PTPRN2: variants seen among roughly 807,000 people sequenced by gnomAD.
PTPRN2 encodes protein tyrosine phosphatase receptor type N2, also known as receptor-type tyrosine-protein phosphatase N2.
A neutral mutation model predicts 118.8 loss-of-function variants in PTPRN2; 74 were observed. The ratio of observed to expected loss-of-function variants is 0.62; its 90% confidence interval spans 0.52 to 0.76. The LOEUF (loss-of-function observed/expected upper bound fraction) is 0.76, where lower values mean the gene tolerates loss of function less well. Ranked by LOEUF, PTPRN2 falls within the 30% of genes least tolerant of loss-of-function variation. The probability of loss-of-function intolerance (pLI) is 0.00; values close to 1 mark genes in which losing one functional copy is unlikely to be tolerated. For missense variants in PTPRN2, 1,481 were observed against 1,394.4 expected, an observed-to-expected ratio of 1.06 and a Z score of -0.99; for synonymous variants, 641 against 608.0, an observed-to-expected ratio of 1.05 and a Z score of -0.80.
intron 14 of PTPRN2, among the ~76,000 whole-genome samples, chr7:157,625,723 G>GA (rs1016133513): frequency 2.6e-5 from 4 of 151,794 alleles, no homozygotes; most frequent in African/African-American, 7.3e-5. Flanking sequence ...CCAATAAATG[G>GA]AAAAAAATCA....
intron 12 of PTPRN2, among the ~76,000 whole-genome samples, chr7:157,742,301 G>A (rs1800680248): frequency 6.6e-6 from 1 of 152,184 alleles, no homozygotes; most frequent in African/African-American, 2.4e-5. Flanking sequence ...GGTGACTGGG[G>A]TAACCAGCTA....
intron 6 of PTPRN2, among the ~76,000 whole-genome samples, chr7:158,152,806 A>T (rs1821325694): frequency 6.6e-6 from 1 of 151,734 alleles, no homozygotes; most frequent in South Asian, 2.1e-4. Flanking sequence ...GCATGCCAGC[A>T]GGCCACCGAC....
intron 2 of PTPRN2, among the ~76,000 whole-genome samples, chr7:158,430,915 G>T (rs889212356): frequency 6.6e-6 from 1 of 152,206 alleles, no homozygotes; most frequent in African/African-American, 2.4e-5. Flanking sequence ...TCTGACCCTG[G>T]CTGTGTCTGA....
intron 10 of PTPRN2, among the ~76,000 whole-genome samples, chr7:158,110,207 C>A (rs1033172374): frequency 6.6e-6 from 1 of 152,236 alleles, no homozygotes; most frequent in Non-Finnish European, 1.5e-5. Flanking sequence ...GGAGCTCCTG[C>A]AGCTTCTGCA....
intron 2 of PTPRN2, among the ~76,000 whole-genome samples, chr7:158,382,654 G>T (rs914141384): frequency 6.6e-6 from 1 of 152,056 alleles, no homozygotes; most frequent in Non-Finnish European, 1.5e-5. Context: ...GATTTTACAG[G>T]AGTGCAAACC....
At chr7:157,658,851 C>T (rs1054437871) in intron 13 of PTPRN2, among the ~76,000 whole-genome samples, 10 of 152,166 alleles carry the variant, frequency 6.6e-5, no homozygotes, top group South Asian at 2.1e-4. Flanking sequence ...CGGGGAACCT[C>T]GTGGGCTGCT....
intron 4 of PTPRN2, 134 bp from the exon 5 acceptor site, chr7:158,192,629 C>G: frequency 9.8e-7 from 1 of 1,019,906 alleles, no homozygotes. Context: ...CCTTGCTGCT[C>G]CATGACCATG....
Position 157,618,410 on chromosome 7 carries a change from C to T in PTPRN2, c.2344+2952G>A, listed in dbSNP as rs900083926. On this transcript the variant is annotated intron_variant, in intron 15 of 22. Transcript: ENST00000389418. This position sits in a 1 kb window ranked among gnomAD's most constrained non-coding sequence, Gnocchi z 4.2. ...ATAGTGCATGCCCAGCATGCAGACT[C>T]GCTTCCATCGCGACACAGAGGACAG... 2 of 152,336 alleles carry T rather than the reference C, an allele frequency of 1.3e-5. No homozygotes were observed. The highest frequency in any genetic ancestry group is 2.9e-5 in the Non-Finnish European group (2 of 68,132). The allele number at this position is 152,336 out of a possible 1,614,324, so 9.4% of individuals were successfully genotyped here. A position where few individuals can be genotyped will look rare whatever the true frequency, so the allele number is the denominator to read the frequency against.
rs937091419 is a variant in PTPRN2 at position 157,787,584 on chromosome 7, G to C, written c.1789-104647C>G. ...TTCATGTCTTGTAGGCGACCCCACA[G>C]AGAGAGAGGCAGAGGAGAGTGGCCG... On this transcript the variant is annotated intron_variant, in intron 12 of 22. Coordinates refer to ENST00000389418, the MANE Select transcript of PTPRN2 (RefSeq NM_002847.5). The surrounding 1 kb of genome is among the most constrained non-coding windows in gnomAD (Gnocchi z 5.3). Among the ~76,000 whole-genome samples, 1 of 152,170 alleles carries C rather than the reference G, an allele frequency of 6.6e-6. No homozygotes were observed. The highest frequency in any genetic ancestry group is 1.5e-5 in the Non-Finnish European group (1 of 68,022).
At chr7:157,941,844 T>G (rs1256848536) in intron 11 of PTPRN2, among the ~76,000 whole-genome samples, 1 of 152,058 alleles carries the variant, frequency 6.6e-6, no homozygotes, top group Admixed American at 6.6e-5. Flanking sequence ...ATCTCCATGC[T>G]CAAGCCTCAC....
At chr7:158,132,891 G>A (rs1272665830) in intron 9 of PTPRN2, among the ~76,000 whole-genome samples, 1 of 152,022 alleles carries the variant, frequency 6.6e-6, no homozygotes, top group African/African-American at 2.4e-5. Context: ...ACATACAAAC[G>A]TGTGGGTGTG....
Position 157,812,395 on chromosome 7 carries a change from G to GA in PTPRN2, c.1788+86277_1788+86278insT, listed in dbSNP as rs528858192. On this transcript the variant is annotated intron_variant, in intron 12 of 22. Coordinates refer to ENST00000389418, the MANE Select transcript of PTPRN2 (RefSeq NM_002847.5). ...CCACTCCCTTTGGGGCATGAGGGAG[G>GA]TGAGGGAGGAGGGTGGGAAGAACAA... Among the ~76,000 whole-genome samples, 74 of 139,116 alleles carry GA rather than the reference G, an allele frequency of 5.3e-4. No individual in the cohort carries two copies. The South Asian group carries it at 5.9e-3, about 11-fold the overall frequency. 91.3% of individuals were successfully genotyped at this position (139,116 alleles called of 152,430 possible). A position where few individuals can be genotyped will look rare whatever the true frequency, so the allele number is the denominator to read the frequency against.
At chr7:157,948,269 A>G (rs1320520438) in intron 11 of PTPRN2, among the ~76,000 whole-genome samples, 1 of 152,260 alleles carries the variant, frequency 6.6e-6, no homozygotes. Flanking sequence ...TTAACAGCAT[A>G]CAATGTAGGA....
At chr7:158,071,990 CGTGGTGGTGGAGGTGCTCGTCGT>C (rs1811921575) in intron 11 of PTPRN2, among the ~76,000 whole-genome samples, 1 of 94,054 alleles carries the variant, frequency 1.1e-5, no homozygotes, top group Non-Finnish European at 2.0e-5. Flanking sequence ...TGGAGGTGCT[CGTGGTGGTGGAGGTGCTCGTCGT>C]ATGGAGGTGC....
chr7:157,606,420 G>A (rs1052859233), intron 15 of PTPRN2, among the ~76,000 whole-genome samples: 2 of 152,232 alleles, frequency 1.3e-5, no homozygotes, highest in African/African-American at 4.8e-5. Context: ...TGCAGCTGGT[G>A]TGATGGTAGT....
chr7:158,193,752 G>A (rs1488386474), intron 4 of PTPRN2, among the ~76,000 whole-genome samples: 1 of 152,060 alleles, frequency 6.6e-6, no homozygotes, highest in African/African-American at 2.4e-5. Flanking sequence ...CCCCCACGGA[G>A]GCCTTTGCTT....
chr7:158,455,662 G>A (rs763895376), intron 2 of PTPRN2, among the ~76,000 whole-genome samples: 6 of 109,840 alleles, frequency 5.5e-5, no homozygotes, highest in African/African-American at 1.1e-4. Context: ...ACAACGGCAC[G>A]GACGCCATCG....
At chr7:158,337,744 C>G (rs1413333717) in intron 2 of PTPRN2, among the ~76,000 whole-genome samples, 11 of 145,358 alleles carry the variant, frequency 7.6e-5, no homozygotes, top group African/African-American at 2.3e-4. Context: ...CAACCACACT[C>G]TCACCATAAG....
chr7:158,481,594 G>C (rs1048949499), intron 2 of PTPRN2, among the ~76,000 whole-genome samples: 4 of 152,188 alleles, frequency 2.6e-5, no homozygotes, highest in African/African-American at 9.7e-5. Flanking sequence ...CTCCCGCATA[G>C]CTGGGATTAC....
Sources: gnomAD v4.1 joint callset for allele counts (sites outside exome capture counted in the v4.1 genomes callset) on GRCh38, gnomAD v4.1.1 for gene constraint, Gnocchi (gnomAD v3.1) non-coding constraint, MANE v1.5 for transcripts, NCBI Gene and HGNC (gene_info 2026-07-23, HGNC 2026-07-21) for gene names.